DMTN: variants seen among roughly 807,000 people sequenced by gnomAD.
The protein encoded by DMTN is dematin.
A neutral mutation model predicts 59.4 loss-of-function variants in DMTN; 27 were observed. The observed-to-expected ratio is 0.45, with a 90% CI of 0.33 to 0.63. The LOEUF (loss-of-function observed/expected upper bound fraction) is 0.63. DMTN is among the 20% of genes least tolerant of loss of function. DMTN has a pLI of 0.02. For missense variants in DMTN, 451 were observed against 528.9 expected (o/e 0.85, Z 1.45); for synonymous variants, 221 against 203.7 (o/e 1.08, Z -0.72).
Position 22,066,825 on chromosome 8 carries a change from C to A in DMTN, c.-51C>A. 1 of 1,423,870 alleles carries A rather than the reference C, an allele frequency of 7.0e-7. No individual in the cohort carries two copies. The highest frequency in any genetic ancestry group is 9.2e-7 in the Non-Finnish European group (1 of 1,086,752). 88.2% of individuals were successfully genotyped at this position (1,423,870 alleles called of 1,614,324 possible). A position where few individuals can be genotyped will look rare whatever the true frequency, so the allele number is the denominator to read the frequency against. On this transcript the variant is annotated 5_prime_UTR_variant, in exon 2 of 16. Transcript: ENST00000358242. ...GCCGAGCCTGACACGCTGTCCTCTC[C>A]CCTCGCGCACAGGGCTCTGCGAGTG... is the stretch of plus-strand genomic sequence containing the variant.
upstream of DMTN, among the ~76,000 whole-genome samples, chr8:22,053,284 C>T (rs1801545968): frequency 6.6e-6 from 1 of 152,114 alleles, no homozygotes; most frequent in Non-Finnish European, 1.5e-5. Context: ...ATGCAGTGGT[C>T]TGGTGGCAGC....
At chr8:22,069,796 G>T (rs1217977517) in intron 6 of DMTN, 85 bp from the exon 7 acceptor site, 7 of 1,495,110 alleles carry the variant, frequency 4.7e-6, no homozygotes, top group African/African-American at 1.4e-5. Context: ...TCCCCACCTT[G>T]TCCCGTTCCA....
At chr8:22,081,092 T>TGGGGGGGGGGGGGGGGCGG in intron 14 of DMTN, 21 bp from the exon 15 acceptor site, 1 of 1,547,318 alleles carries the variant, frequency 6.5e-7, no homozygotes, top group Non-Finnish European at 8.9e-7. Context: ...AGCCTAAGAT[T>TGGGGGGGGGGGGGGGGCGG]GCCCCTCCCC....
chr8:22,069,531 G>C lies in DMTN; in HGVS notation c.394+13G>C. On this transcript the variant is annotated intron_variant, in intron 6 of 15. Transcript: ENST00000358242. ...TTCCACCACCCTGGTAGGTCTTCTCGGCACGACCTCATTGTTTCCTAAGAC... is the reference window on the plus strand; with the variant it reads ...TTCCACCACCCTGGTAGGTCTTCTCCGCACGACCTCATTGTTTCCTAAGAC... The C allele has an allele frequency of 6.3e-7, 1 of 1,577,508 alleles. No homozygotes were observed. The highest frequency in any genetic ancestry group is 8.6e-7 in the Non-Finnish European group (1 of 1,160,434).
intron 10 of DMTN, among the ~76,000 whole-genome samples, chr8:22,079,459 A>G (rs1156806087): frequency 6.6e-6 from 1 of 151,348 alleles, no homozygotes; most frequent in African/African-American, 2.4e-5. Flanking sequence ...TCAAAAATAA[A>G]TAAATAAACA....
intron 4 of DMTN, 101 bp from the exon 5 acceptor site, chr8:22,068,915 G>C (rs1489950828): frequency 7.3e-7 from 1 of 1,362,624 alleles, no homozygotes; most frequent in Non-Finnish European, 1.0e-6. Context: ...GGCCAGGAAA[G>C]TGTGCGGCTT....
upstream of DMTN, among the ~76,000 whole-genome samples, chr8:22,051,162 C>G (rs910017545): frequency 6.6e-6 from 1 of 152,114 alleles, no homozygotes; most frequent in Non-Finnish European, 1.5e-5. Context: ...TGGGGAAACA[C>G]GAACCCATTT....
At chr8:22,080,493 G>A in intron 12 of DMTN, 33 bp downstream of exon 12, 1 of 1,614,188 alleles carries the variant, frequency 6.2e-7, no homozygotes, top group Non-Finnish European at 8.5e-7. Context: ...GGGGTCTGGA[G>A]AAGGGGCTTA....
At chr8:22,081,310 CT>C (rs1432335125) in intron 15 of DMTN, 39 bp from the exon 16 acceptor site, 1 of 1,601,490 alleles carries the variant, frequency 6.2e-7, no homozygotes. Context: ...GCACAGCCCC[CT>C]CCCCCTCCAT....
chr8:22,069,776 G>T lies in DMTN; in HGVS notation c.395-105G>T. ...AGCCCTGTCTTGGCTCTTGACAGGG[G>T]CCAGTGAGTTCCCCACCTTGTCCCG... is the stretch of plus-strand genomic sequence containing the variant. On this transcript the variant is annotated intron_variant, in intron 6 of 15. Transcript: ENST00000358242. The T allele has an allele frequency of 2.2e-6, 3 of 1,338,676 alleles. No homozygotes were observed. In the South Asian group the frequency reaches 3.6e-5, roughly 16 times the overall value. The allele number at this position is 1,338,676 out of a possible 1,614,324, so 82.9% of individuals were successfully genotyped here. A position where few individuals can be genotyped will look rare whatever the true frequency, so the allele number is the denominator to read the frequency against.
At position 22,060,950 on chromosome 8, in the gene DMTN, C is replaced by A. The variant is rs149430107; in HGVS notation, c.-172+3814C>A. On this transcript the variant is annotated intron_variant, in intron 1 of 15. Transcript: ENST00000358242. This position sits in a 1 kb window ranked among gnomAD's most constrained non-coding sequence, Gnocchi z 5.0. Reference sequence around the variant, plus strand: ...CGAGGTACTCGCCAATCCAAGCCAACCCACAAGATTGGAATGTAAGGGTTA... The same window carrying A: ...CGAGGTACTCGCCAATCCAAGCCAAACCACAAGATTGGAATGTAAGGGTTA... 6.6e-6 allele frequency among the ~76,000 whole-genome samples: 1 copy of A among 152,102 alleles called. No homozygotes were observed. The highest frequency in any genetic ancestry group is 2.4e-5 in the African/African-American group (1 of 41,412).
intron 10 of DMTN, among the ~76,000 whole-genome samples, 174 bp downstream of exon 10, chr8:22,074,009 G>A (rs1817845315): frequency 1.3e-5 from 2 of 152,164 alleles, no homozygotes; most frequent in South Asian, 2.1e-4. Context: ...TGAGAGAATC[G>A]GCTAAAATAG....
At chr8:22,080,941 G>A (rs1225198223) in intron 14 of DMTN, 71 bp downstream of exon 14, 1 of 1,516,520 alleles carries the variant, frequency 6.6e-7, no homozygotes, top group Non-Finnish European at 8.9e-7. Context: ...AGTGGAATGT[G>A]CTGCGGGGTC....
upstream of DMTN, chr8:22,055,423 CTGAT>C (rs1802120653): frequency 6.6e-6 from 1 of 152,350 alleles, no homozygotes; most frequent in South Asian, 2.1e-4. Context: ...CTCTCAGACT[CTGAT>C]TAGAGGGAAG....
intron 10 of DMTN, among the ~76,000 whole-genome samples, chr8:22,076,031 T>C (rs1039861828): frequency 2.0e-5 from 3 of 152,110 alleles, no homozygotes; most frequent in Admixed American, 2.0e-4. Context: ...CAGTGGCTGA[T>C]TGGACGTGGG....
chr8:22,073,561 G>A (rs563542344), intron 9 of DMTN, among the ~76,000 whole-genome samples, 169 bp from the exon 10 acceptor site: 5 of 147,874 alleles, frequency 3.4e-5, no homozygotes, highest in African/African-American at 1.3e-4. Flanking sequence ...AGCCCAGGAG[G>A]TCAAGGTTGC....
chr8:22,073,462 T>C (rs565425418), intron 9 of DMTN, among the ~76,000 whole-genome samples: 40 of 150,134 alleles, frequency 2.7e-4, no homozygotes, highest in African/African-American at 9.4e-4. Flanking sequence ...CCCATCTGTA[T>C]ATAAAAAAAA....
rs765786457 is a variant in DMTN, at chr8:22,069,529, T to C, written c.394+11T>C. 8.2e-6 allele frequency: 13 copies of C among 1,582,224 alleles called. No individual in the cohort carries two copies. The East Asian group carries it at 1.1e-4, about 14-fold the overall frequency. ...ATTTCCACCACCCTGGTAGGTCTTC[T>C]CGGCACGACCTCATTGTTTCCTAAG... is the stretch of plus-strand genomic sequence containing the variant. On this transcript the variant is annotated intron_variant, in intron 6 of 15. Coordinates refer to ENST00000358242, the MANE Select transcript of DMTN (RefSeq NM_001387751.1).
chr8:22,074,631 G>A (rs7002815), intron 10 of DMTN, among the ~76,000 whole-genome samples: 3,020 of 152,272 alleles, frequency 0.02, 97 homozygotes, highest in African/African-American at 0.068. Context: ...GTGGGAGAGC[G>A]CATTGCAGAC....
Sources: gnomAD v4.1 joint callset for allele counts (sites outside exome capture counted in the v4.1 genomes callset) on GRCh38, gnomAD v4.1.1 for gene constraint, Gnocchi (gnomAD v3.1) non-coding constraint, MANE v1.5 for transcripts, NCBI Gene and HGNC (gene_info 2026-07-23, HGNC 2026-07-21) for gene names.